The following GRIP1 variants were observed in gnomAD, a reference collection of about 807,000 sequenced individuals.
The protein encoded by GRIP1 is glutamate receptor-interacting protein 1.
GRIP1 carries 45 observed loss-of-function variants against 129.9 expected under a neutral mutation model. The observed-to-expected ratio is 0.35, with a 90% CI of 0.27 to 0.44. GRIP1 has a LOEUF of 0.44. GRIP1 is among the 20% of genes least tolerant of loss of function. The pLI is 1.00. For missense variants in GRIP1, 1,196 were observed against 1,396.8 expected, an observed-to-expected ratio of 0.86 and a Z score of 2.29; for synonymous variants, 530 against 520.8, an observed-to-expected ratio of 1.02 and a Z score of -0.24.
chr12:66,608,241 T>C (rs2064627253), intron 1 of GRIP1, among the ~76,000 whole-genome samples: 1 of 152,188 alleles, frequency 6.6e-6, no homozygotes. Context: ...TTTTTGTTAT[T>C]CAAAGCTGTA....
At chr12:66,523,269 C>A (rs1182311593) in intron 5 of GRIP1, among the ~76,000 whole-genome samples, 1 of 151,146 alleles carries the variant, frequency 6.6e-6, no homozygotes, top group East Asian at 1.9e-4. Context: ...ATGTTAAAGG[C>A]AGCCAGAGAG....
At chr12:66,566,583 TTTG>T (rs1460157533) in intron 2 of GRIP1, among the ~76,000 whole-genome samples, 1 of 152,138 alleles carries the variant, frequency 6.6e-6, no homozygotes, top group Non-Finnish European at 1.5e-5. Flanking sequence ...AAAATTCTTT[TTTG>T]TTGTTGTTGT....
Position 66,534,745 on chromosome 12 carries a change from G to A in GRIP1, c.418+4333C>T, listed in dbSNP as rs1592505536. Among the ~76,000 whole-genome samples the A allele has an allele frequency of 4.6e-5, 7 of 152,082 alleles. No individual in the cohort carries two copies. The South Asian group carries it at 1.5e-3, about 32-fold the overall frequency. ...GTCTTGCTCTGTTGCCCAGGCTGGA[G>A]TGCAGTGGCATAATCTCGGCTCACC... On this transcript the variant is annotated intron_variant, in intron 4 of 24. Transcript: ENST00000359742.
intron 23 of GRIP1, among the ~76,000 whole-genome samples, chr12:66,369,713 G>T (rs184711383): frequency 6.6e-6 from 1 of 152,272 alleles, no homozygotes; most frequent in Admixed American, 6.5e-5. Context: ...CTGCACAGAA[G>T]AGGGGAAGGC....
chr12:66,419,826 C>T (rs574939620), intron 15 of GRIP1, among the ~76,000 whole-genome samples: 11 of 152,254 alleles, frequency 7.2e-5, no homozygotes, highest in Admixed American at 2.0e-4. Flanking sequence ...CTGGGTGTGG[C>T]GGTTCACACC....
At chr12:67,050,097 T>C (rs1292463352) in intron 1 of GRIP1, among the ~76,000 whole-genome samples, 1 of 147,392 alleles carries the variant, frequency 6.8e-6, no homozygotes, top group Non-Finnish European at 1.5e-5. Flanking sequence ...AAAGCTACTA[T>C]GTGCTTATTT....
intron 1 of GRIP1, among the ~76,000 whole-genome samples, chr12:66,675,095 G>T (rs2034262843): frequency 6.6e-6 from 1 of 152,090 alleles, no homozygotes; most frequent in South Asian, 2.1e-4. Flanking sequence ...AAAATAAAAT[G>T]ACACGTAGGC....
chr12:67,067,526 A>G (rs1046580143), intron 1 of GRIP1, among the ~76,000 whole-genome samples: 1 of 152,202 alleles, frequency 6.6e-6, no homozygotes, highest in Non-Finnish European at 1.5e-5. Context: ...AAGCAGAAGC[A>G]TTCCTAAAGC....
At chr12:66,777,185 C>T (rs535926797) in intron 1 of GRIP1, among the ~76,000 whole-genome samples, 2 of 152,270 alleles carry the variant, frequency 1.3e-5, no homozygotes, top group African/African-American at 4.8e-5. Context: ...AGTGGCAAAG[C>T]CACACAGGAT....
At position 66,900,739 on chromosome 12, in the gene GRIP1, C is replaced by T. The variant is rs371834884; in HGVS notation, c.58+168311G>A. Among the ~76,000 whole-genome samples, 24 of 152,248 alleles carry T rather than the reference C, an allele frequency of 1.6e-4. 1 individual carries two copies. The highest frequency in any genetic ancestry group is 5.1e-4 in the African/African-American group (21 of 41,544). Reference sequence around the variant, plus strand: ...GTCAGCCTGCTTCACATAGCCTTCCCGAAAGCACACCCAAGGACTTCTACC... The same window carrying T: ...GTCAGCCTGCTTCACATAGCCTTCCTGAAAGCACACCCAAGGACTTCTACC... On this transcript the variant is annotated intron_variant, in intron 1 of 1. Transcript: ENST00000643019.
At chr12:66,695,507 T>A (rs1179798275) in intron 1 of GRIP1, among the ~76,000 whole-genome samples, 2 of 152,178 alleles carry the variant, frequency 1.3e-5, no homozygotes, top group African/African-American at 4.8e-5. Context: ...TGTCTACCAC[T>A]AATGGGATTG....
chr12:66,896,480 G>GAAGAAAAAAAAA lies in GRIP1; in HGVS notation c.58+172569_58+172570insTTTTTTTTTCTT, dbSNP rs1555249918. On this transcript the variant is annotated intron_variant, in intron 1 of 1. Transcript: ENST00000643019. The stretch of plus-strand genomic sequence containing the variant: ...TGAGAATATTACCTCTGAGGAATTT[G>GAAGAAAAAAAAA]AAAAAAAAAAAAAAAACTTTGGTGG... Among the ~76,000 whole-genome samples the GAAGAAAAAAAAA allele has an allele frequency of 4.7e-3, 502 of 107,820 alleles. 8 individuals are homozygous for GAAGAAAAAAAAA. Among genetic ancestry groups the GAAGAAAAAAAAA allele is most frequent in the African/African-American group, 0.014 (478 of 33,932 alleles). The allele number at this position is 107,820 out of a possible 152,430, so 70.7% of individuals were successfully genotyped here.
intron 1 of GRIP1, among the ~76,000 whole-genome samples, chr12:66,689,147 G>A (rs751365060): frequency 3.3e-5 from 5 of 152,134 alleles, no homozygotes; most frequent in Admixed American, 6.5e-5. Context: ...AGACAACCTC[G>A]GTCCAGTTTC....
chr12:66,818,160 A>T (rs1442657632), intron 1 of GRIP1, among the ~76,000 whole-genome samples: 1 of 152,202 alleles, frequency 6.6e-6, no homozygotes, highest in Non-Finnish European at 1.5e-5. Flanking sequence ...TTGACACATC[A>T]TGCATTTGTT....
chr12:66,801,854 T>C (rs2038867257), intron 1 of GRIP1, among the ~76,000 whole-genome samples: 1 of 152,070 alleles, frequency 6.6e-6, no homozygotes. Flanking sequence ...TTCCACCACG[T>C]TTTCAGCCTT....
intron 1 of GRIP1, among the ~76,000 whole-genome samples, chr12:66,829,251 A>G (rs185359691): frequency 3.2e-4 from 48 of 152,220 alleles, no homozygotes; most frequent in African/African-American, 1.1e-3. Flanking sequence ...AGAGGAGGAG[A>G]AAATCTGTAC....
chr12:66,898,538 C>A (rs544048371), intron 1 of GRIP1, among the ~76,000 whole-genome samples: 1 of 152,226 alleles, frequency 6.6e-6, no homozygotes, highest in African/African-American at 2.4e-5. Flanking sequence ...CTTCTCTGGA[C>A]CTTTTCCAAG....
At chr12:67,050,020 TC>T (rs63510761) in intron 1 of GRIP1, among the ~76,000 whole-genome samples, 18,818 of 150,340 alleles carry the variant, frequency 0.13, 1,391 homozygotes, top group African/African-American at 0.19. Context: ...TTACATCTTT[TC>T]CTGGGGTGAT....
intron 7 of GRIP1, among the ~76,000 whole-genome samples, chr12:66,476,493 G>A (rs563229947): frequency 1.3e-5 from 2 of 152,246 alleles, no homozygotes; most frequent in Admixed American, 6.5e-5. Flanking sequence ...AGAAAAAGAG[G>A]GAATCCTCCC....
Sources: gnomAD v4.1 joint callset for allele counts (sites outside exome capture counted in the v4.1 genomes callset) on GRCh38, gnomAD v4.1.1 for gene constraint, MANE v1.5 for transcripts, NCBI Gene and HGNC (gene_info 2026-07-23, HGNC 2026-07-21) for gene names.